SLC28A3: variants seen among roughly 807,000 people sequenced by gnomAD.
SLC28A3 encodes solute carrier family 28 member 3.
In SLC28A3, 68 loss-of-function variants were observed where a neutral mutation model predicts 84.2. The ratio of observed to expected loss-of-function variants is 0.81; its 90% confidence interval spans 0.66 to 0.99. The LOEUF is 0.99. Ranked by LOEUF, SLC28A3 falls within the 50% of genes least tolerant of loss-of-function variation. The pLI is 0.00. For synonymous variants in SLC28A3, 267 were observed against 303.6 expected (o/e 0.88, Z 1.25); for missense variants, 712 against 841.5 (o/e 0.85, Z 1.90).
chr9:84,333,054 T>C (rs1826847458), intron 1 of SLC28A3, among the ~76,000 whole-genome samples: 1 of 152,070 alleles, frequency 6.6e-6, no homozygotes, highest in South Asian at 2.1e-4. Context: ...TATCCCTTTC[T>C]CCAGAGATGA....
At chr9:84,363,180 T>A in the SLC28A3 span, among the ~76,000 whole-genome samples, 3 of 149,090 alleles carry the variant, frequency 2.0e-5, no homozygotes, top group Admixed American at 6.9e-5. Context: ...TCTACTAGTA[T>A]GTAAATAAAG....
chr9:84,317,042 C>A (rs891852016), intron 1 of SLC28A3, among the ~76,000 whole-genome samples: 3 of 144,500 alleles, frequency 2.1e-5, no homozygotes, highest in African/African-American at 8.5e-5. Flanking sequence ...CTCCAAGAGG[C>A]CTATGAGGTG....
At chr9:84,349,461 T>TTGA in the SLC28A3 span, among the ~76,000 whole-genome samples, 1 of 152,248 alleles carries the variant, frequency 6.6e-6, no homozygotes, top group African/African-American at 2.4e-5. Context: ...GGTCTTGAAC[T>TTGA]CCTGACTTCA....
At chr9:84,300,420 A>G (rs561587477) in intron 5 of SLC28A3, among the ~76,000 whole-genome samples, 1 of 152,328 alleles carries the variant, frequency 6.6e-6, no homozygotes, top group African/African-American at 2.4e-5. Context: ...GGAATATGTT[A>G]TCTGCCCTTG....
the SLC28A3 span, among the ~76,000 whole-genome samples, chr9:84,351,709 G>A: frequency 1.3e-5 from 2 of 150,962 alleles, no homozygotes; most frequent in African/African-American, 2.4e-5. Context: ...AAAAGACAAC[G>A]TAGGGACAAT....
chr9:84,306,994 C>CAAA (rs150442323), intron 3 of SLC28A3, among the ~76,000 whole-genome samples: 14 of 25,938 alleles, frequency 5.4e-4, no homozygotes, highest in African/African-American at 7.3e-4. Flanking sequence ...CTTGTCTCTA[C>CAAA]AAAAAAAAAA....
intron 1 of SLC28A3, among the ~76,000 whole-genome samples, chr9:84,323,623 T>C (rs376684030): frequency 2.4e-4 from 36 of 151,958 alleles, no homozygotes; most frequent in African/African-American, 8.2e-4. Flanking sequence ...CGGGGTTTCA[T>C]CATGTTGGCC....
In SLC28A3 at chr9:84,278,878, G is replaced by GAA. The variant is rs34802574; in HGVS notation, c.1949+385_1949+386dup. Among the ~76,000 whole-genome samples the GAA allele has an allele frequency of 8.8e-4, 106 of 120,776 alleles. 1 individual carries two copies. The highest frequency in any genetic ancestry group is 2.5e-3 in the African/African-American group (84 of 33,794). The allele number at this position is 120,776 out of a possible 152,430, so 79.2% of individuals were successfully genotyped here. A position where few individuals can be genotyped will look rare whatever the true frequency, so the allele number is the denominator to read the frequency against. Reference sequence around the variant, plus strand: ...TCCCTAAGCCTTAATTTTGTGGAATGAAAAAAAAAAAAAAAAGATAGTGCC... The same window carrying GAA: ...TCCCTAAGCCTTAATTTTGTGGAATGAAAAAAAAAAAAAAAAAAGATAGTGCC... On this transcript the variant is annotated intron_variant, in intron 17 of 17. Transcript: ENST00000376238.
At chr9:84,350,649 A>G in the SLC28A3 span, among the ~76,000 whole-genome samples, 6 of 152,156 alleles carry the variant, frequency 3.9e-5, no homozygotes, top group Non-Finnish European at 7.3e-5. Flanking sequence ...TAAACATTAT[A>G]CACTTAGGTT....
At chr9:84,318,183 C>T (rs941882453) in intron 1 of SLC28A3, among the ~76,000 whole-genome samples, 2 of 152,162 alleles carry the variant, frequency 1.3e-5, no homozygotes, top group African/African-American at 2.4e-5. Flanking sequence ...ACTAGCTAGA[C>T]CATTCCCCAG....
chr9:84,312,115 T>C (rs549590589), intron 2 of SLC28A3, among the ~76,000 whole-genome samples: 29 of 152,360 alleles, frequency 1.9e-4, no homozygotes, highest in South Asian at 6.2e-4. Context: ...AGTTTATTTA[T>C]TCATTCACCT....
In SLC28A3 at chr9:84,291,487, C is replaced by T. The variant is rs150385819; in HGVS notation, c.1023+1181G>A. On this transcript the variant is annotated intron_variant, in intron 10 of 17. Coordinates refer to ENST00000376238, the MANE Select transcript of SLC28A3 (RefSeq NM_001199633.2). ...GAGTAGCTGGGATTCCAGGCATACG[C>T]CACCATGCCCAGCTAATTTTGTGTT... Among the ~76,000 whole-genome samples, 500 of 152,310 alleles carry T rather than the reference C, an allele frequency of 3.3e-3. 2 individuals carry two copies. Among genetic ancestry groups the T allele is most frequent in the African/African-American group, 0.011 (466 of 41,558 alleles).
intron 3 of SLC28A3, among the ~76,000 whole-genome samples, chr9:84,307,377 G>C (rs1166344876): frequency 1.3e-5 from 2 of 148,376 alleles, no homozygotes; most frequent in African/African-American, 5.0e-5. Flanking sequence ...GTTGCAGTGA[G>C]CCAAAATTGC....
At chr9:84,351,601 A>T in the SLC28A3 span, among the ~76,000 whole-genome samples, 8 of 151,892 alleles carry the variant, frequency 5.3e-5, no homozygotes, top group Non-Finnish European at 1.2e-4. Flanking sequence ...TCAAGGCTGC[A>T]GTGAGTTGTG....
At chr9:84,285,731 G>A (rs1017738160) in intron 13 of SLC28A3, among the ~76,000 whole-genome samples, 189 bp from the exon 14 acceptor site, 8 of 152,262 alleles carry the variant, frequency 5.3e-5, no homozygotes, top group African/African-American at 1.9e-4. Context: ...GGATTCTTGG[G>A]GAAGGGGCCA....
At chr9:84,364,767 C>A in the SLC28A3 span, among the ~76,000 whole-genome samples, 2 of 152,058 alleles carry the variant, frequency 1.3e-5, no homozygotes, top group African/African-American at 4.8e-5. Context: ...TGATAACATG[C>A]GATGTTTGTC....
chr9:84,283,417 G>A (rs558177644), intron 14 of SLC28A3, among the ~76,000 whole-genome samples: 1 of 152,346 alleles, frequency 6.6e-6, no homozygotes, highest in South Asian at 2.1e-4. Context: ...ATGAATTACG[G>A]TGTGCTATAC....
upstream of SLC28A3, among the ~76,000 whole-genome samples, chr9:84,345,392 T>A (rs772189219): frequency 1.4e-4 from 22 of 152,246 alleles, no homozygotes; most frequent in Non-Finnish European, 1.3e-4. Flanking sequence ...CTCAATCTAG[T>A]TGAAGGTTAT....
intron 1 of SLC28A3, among the ~76,000 whole-genome samples, chr9:84,337,571 GCTGA>G (rs1003040462): frequency 1.3e-5 from 2 of 152,108 alleles, no homozygotes; most frequent in Non-Finnish European, 2.9e-5. Flanking sequence ...GAGCCAGTTT[GCTGA>G]CTGTTTTAAG....
Sources: gnomAD v4.1 joint callset for allele counts (sites outside exome capture counted in the v4.1 genomes callset) on GRCh38, gnomAD v4.1.1 for gene constraint, MANE v1.5 for transcripts, NCBI Gene and HGNC (gene_info 2026-07-23, HGNC 2026-07-21) for gene names.